AK8: variants seen among roughly 807,000 people sequenced by gnomAD.
AK8 encodes adenylate kinase 8, also known as ATP-AMP transphosphorylase 8.
A neutral mutation model predicts 54.6 loss-of-function variants in AK8; 44 were observed. The ratio of observed to expected loss-of-function variants is 0.81; its 90% CI spans 0.63 to 1.04. The LOEUF is 1.04. AK8 is among the 50% of genes least tolerant of loss of function. The pLI is 0.00. For missense variants in AK8, 555 were observed against 613.6 expected, an observed-to-expected ratio of 0.90 and a Z score of 1.01; for synonymous variants, 239 against 245.6, an observed-to-expected ratio of 0.97 and a Z score of 0.25.
At chr9:132,859,482 G>A (rs769399387) in intron 4 of AK8, among the ~76,000 whole-genome samples, 3 of 152,084 alleles carry the variant, frequency 2.0e-5, no homozygotes, top group Non-Finnish European at 4.4e-5. Flanking sequence ...AAAGTGCTGG[G>A]ATTACAGGTG....
intron 5 of AK8, among the ~76,000 whole-genome samples, chr9:132,832,262 C>T (rs1162846962): frequency 6.6e-6 from 1 of 151,852 alleles, no homozygotes; most frequent in Non-Finnish European, 1.5e-5. Context: ...GCCACGGAAC[C>T]CCTGGTTTCT....
At chr9:132,814,590 C>A (rs1189785912) in intron 10 of AK8, 48 bp downstream of exon 10, 3 of 1,559,608 alleles carry the variant, frequency 1.9e-6, no homozygotes, top group South Asian at 2.3e-5. Context: ...AAAGAAAGTT[C>A]TCTCTGGAGC....
Position 132,878,189 on chromosome 9 carries a change from T to A in AK8, c.67A>T (p.Ile23Phe). ...CCGGTCACCTGCATCAACTCGAAGA[T>A]GTGGTTCTCCTCCCCGTACTGGGGC... ...EMPQYGEENHIFELMQNMLEQ... is the reference protein window; with the variant it reads ...EMPQYGEENHFFELMQNMLEQ... The change falls in exon 1 of 13, where the codon ATC (isoleucine) becomes TTC (phenylalanine). Residue 23 changes from isoleucine (I) to phenylalanine (F), a missense_variant. Coordinates refer to ENST00000298545, the MANE Select transcript of AK8 (RefSeq NM_152572.3). The surrounding 1 kb of genome is among the most constrained non-coding windows in gnomAD (Gnocchi z 4.7). 1 of 1,484,334 alleles carries A rather than the reference T, an allele frequency of 6.7e-7. No homozygotes were observed. The highest frequency in any genetic ancestry group is 9.0e-7 in the Non-Finnish European group (1 of 1,115,024). 91.9% of individuals were successfully genotyped at this position (1,484,334 alleles called of 1,614,324 possible). A position where few individuals can be genotyped will look rare whatever the true frequency, so the allele number is the denominator to read the frequency against.
chr9:132,727,832 G>A (rs933813745), intron 11 of AK8, among the ~76,000 whole-genome samples: 5 of 152,076 alleles, frequency 3.3e-5, no homozygotes, highest in Admixed American at 2.6e-4. Context: ...CCTGTAGACC[G>A]AGCTTGGCAG....
rs1231993830 is a variant in AK8 at position 132,854,917 on chromosome 9, G to C, written c.342C>G (p.Pro114=). 1 of 1,613,850 alleles carries C rather than the reference G, an allele frequency of 6.2e-7. No homozygotes were observed. The highest frequency in any genetic ancestry group is 8.5e-7 in the Non-Finnish European group (1 of 1,179,950). ...GAATCAGCTGGACGAGCAGCGCGCT[G>C]GGAACTGTCTGAAGGAAAAAGGACA... The part of the protein sequence containing the change: ...RRLYLQRKTV[P]SALLVQLIQE... The change falls in exon 5 of 13, where the codon CCC becomes CCG. Residue 114 remains proline, a synonymous_variant. Coordinates refer to ENST00000298545, the MANE Select transcript of AK8 (RefSeq NM_152572.3).
Position 132,872,956 on chromosome 9 carries a change from C to G in AK8, c.169+2159G>C, listed in dbSNP as rs192586100. 1.2e-3 allele frequency among the ~76,000 whole-genome samples: 178 copies of G among 152,286 alleles called. 1 individual carries two copies. The highest frequency in any genetic ancestry group is 4.1e-3 in the African/African-American group (170 of 41,558). Reference sequence around the variant, plus strand: ...CCTCCCCAGTAGCTGGGACTACAGGCGCCCGCCACCACGCCCAGCTAATTT... The same window carrying G: ...CCTCCCCAGTAGCTGGGACTACAGGGGCCCGCCACCACGCCCAGCTAATTT... On this transcript the variant is annotated intron_variant, in intron 2 of 12. Coordinates refer to ENST00000298545, the MANE Select transcript of AK8 (RefSeq NM_152572.3).
chr9:132,876,444 G>A (rs1038936308), intron 1 of AK8, among the ~76,000 whole-genome samples: 1 of 152,242 alleles, frequency 6.6e-6, no homozygotes, highest in Non-Finnish European at 1.5e-5. Flanking sequence ...ATTTAAACAA[G>A]TGATTAGTTT....
In AK8 at chr9:132,838,145, G is replaced by A. The variant is rs564629048; in HGVS notation, c.403-9419C>T. ...AGGAGAAATAAAACAAACAGCTGGT[G>A]GTTCTGTGGACCAGCATCTAGCTCC... On this transcript the variant is annotated intron_variant, in intron 5 of 12. Coordinates refer to ENST00000298545, the MANE Select transcript of AK8 (RefSeq NM_152572.3). 9.2e-5 allele frequency among the ~76,000 whole-genome samples: 14 copies of A among 152,250 alleles called. No individual in the cohort carries two copies. In the East Asian group the frequency reaches 2.7e-3, roughly 29 times the overall value.
At chr9:132,815,691 T>C (rs2131264645) in intron 9 of AK8, among the ~76,000 whole-genome samples, 1 of 152,350 alleles carries the variant, frequency 6.6e-6, no homozygotes, top group Non-Finnish European at 1.5e-5. Flanking sequence ...AGCCCTGAGC[T>C]AGGGCCGGCA....
chr9:132,775,966 C>T (rs538520518), intron 11 of AK8, among the ~76,000 whole-genome samples: 1 of 152,346 alleles, frequency 6.6e-6, no homozygotes, highest in South Asian at 2.1e-4. Flanking sequence ...CTTATGCTCT[C>T]AAACACAGAC....
intron 5 of AK8, among the ~76,000 whole-genome samples, chr9:132,836,106 A>G (rs1842312042): frequency 6.6e-6 from 1 of 152,070 alleles, no homozygotes; most frequent in South Asian, 2.1e-4. Context: ...CTGGGCAACA[A>G]GAGCAAAACT....
At chr9:132,778,601 G>GA (rs1564396717) in intron 11 of AK8, among the ~76,000 whole-genome samples, 1 of 152,102 alleles carries the variant, frequency 6.6e-6, no homozygotes, top group Admixed American at 6.5e-5. Context: ...GACCATGTTA[G>GA]AAATGACAAA....
At chr9:132,740,974 C>G (rs920135727) in intron 11 of AK8, among the ~76,000 whole-genome samples, 10 of 152,170 alleles carry the variant, frequency 6.6e-5, no homozygotes, top group African/African-American at 2.2e-4. Flanking sequence ...GGGGTCCTAT[C>G]CCCAGTCAGG....
intron 5 of AK8, among the ~76,000 whole-genome samples, chr9:132,848,134 AAAAAAAAAAG>A (rs1243194654): frequency 0.013 from 1,211 of 94,562 alleles, 55 homozygotes; most frequent in East Asian, 0.081. Context: ...AAAAAAAAAA[AAAAAAAAAAG>A]ATTGAAGAGA....
chr9:132,736,657 C>T (rs1044072692), intron 11 of AK8, among the ~76,000 whole-genome samples: 9 of 151,446 alleles, frequency 5.9e-5, no homozygotes, highest in Admixed American at 2.0e-4. Flanking sequence ...TGGTGGTGGG[C>T]GCCCGTAGTC....
intron 4 of AK8, among the ~76,000 whole-genome samples, chr9:132,856,838 T>C (rs1843190740): frequency 6.6e-6 from 1 of 151,928 alleles, no homozygotes; most frequent in Admixed American, 6.6e-5. Flanking sequence ...AGCTGCAGAA[T>C]GGCTTTTCCA....
At chr9:132,848,993 CT>C (rs1842866862) in intron 5 of AK8, among the ~76,000 whole-genome samples, 2 of 149,798 alleles carry the variant, frequency 1.3e-5, no homozygotes, top group African/African-American at 4.9e-5. Flanking sequence ...ACTGCAACCT[CT>C]GCCTCTTGGG....
intron 11 of AK8, among the ~76,000 whole-genome samples, chr9:132,733,842 G>C (rs1298100001): frequency 1.3e-5 from 2 of 152,158 alleles, no homozygotes; most frequent in Non-Finnish European, 2.9e-5. Context: ...CCTGGTGTGG[G>C]TGAGGGTAGT....
chr9:132,746,581 C>T (rs1187703614), intron 11 of AK8, among the ~76,000 whole-genome samples: 1 of 152,232 alleles, frequency 6.6e-6, no homozygotes, highest in Admixed American at 6.5e-5. Flanking sequence ...ATAGAGATTC[C>T]GACTTGCGCA....
Sources: allele counts gnomAD v4.1 joint callset (sites outside exome capture counted in the v4.1 genomes callset), GRCh38; gene constraint gnomAD v4.1.1; non-coding constraint Gnocchi (gnomAD v3.1); transcripts MANE v1.5; gene names NCBI Gene and HGNC (gene_info 2026-07-23, HGNC 2026-07-21).